OLA1: variants seen among roughly 807,000 people sequenced by gnomAD.
OLA1 encodes Obg like ATPase 1.
A neutral mutation model predicts 48.4 loss-of-function variants in OLA1; 14 were observed. The observed-to-expected ratio is 0.29, with a 90% CI of 0.19 to 0.45. The LOEUF (loss-of-function observed/expected upper bound fraction) is 0.45, where lower values mean the gene tolerates loss of function less well. Among genes scored for constraint, OLA1 ranks in the 20% least tolerant of loss-of-function variants. OLA1 has a pLI of 1.00. For missense variants in OLA1, 325 were observed against 467.1 expected (o/e 0.70, Z 2.80); for synonymous variants, 127 against 150.4 (o/e 0.84, Z 1.14).
At chr2:174,200,694 G>A (rs774603236) in intron 4 of OLA1, among the ~76,000 whole-genome samples, 71 of 152,062 alleles carry the variant, frequency 4.7e-4, no homozygotes, top group Non-Finnish European at 7.2e-4. Context: ...TCTACCTTTG[G>A]AGGAGCCTAA....
chr2:174,207,807 T>C (rs1688150771), intron 4 of OLA1, among the ~76,000 whole-genome samples: 1 of 152,144 alleles, frequency 6.6e-6, no homozygotes, highest in Non-Finnish European at 1.5e-5. Flanking sequence ...AAAACTTAAG[T>C]CTAACATTGC....
intron 5 of OLA1, among the ~76,000 whole-genome samples, chr2:174,134,856 A>AATTCTTCAAGACATGG (rs1686265929): frequency 6.6e-6 from 1 of 152,192 alleles, no homozygotes; most frequent in Non-Finnish European, 1.5e-5. Flanking sequence ...TATGTCTTGA[A>AATTCTTCAAGACATGG]GAATGCCTAA....
intron 7 of OLA1, among the ~76,000 whole-genome samples, chr2:174,119,956 AAC>A (rs10592077): frequency 0.44 from 65,920 of 149,222 alleles, 15,180 homozygotes; most frequent in East Asian, 0.93. Flanking sequence ...CACACACACA[AAC>A]ACACACACAC....
chr2:174,076,367 C>A (rs928247622), intron 10 of OLA1, among the ~76,000 whole-genome samples: 1 of 152,100 alleles, frequency 6.6e-6, no homozygotes, highest in Non-Finnish European at 1.5e-5. Flanking sequence ...CTGACATGGT[C>A]CCACATGACC....
intron 2 of OLA1, among the ~76,000 whole-genome samples, chr2:174,244,939 T>TA (rs1282543039): frequency 3.9e-5 from 6 of 152,154 alleles, no homozygotes; most frequent in Admixed American, 1.3e-4. Context: ...GCCAATTTTT[T>TA]AAAAAAATAT....
At chr2:174,247,210 C>T (rs1689144000) in intron 1 of OLA1, 1 of 164,076 alleles carries the variant, frequency 6.1e-6, no homozygotes, top group Non-Finnish European at 1.3e-5. Context: ...AAAAGAAAAA[C>T]AAATACAAAA....
intron 7 of OLA1, among the ~76,000 whole-genome samples, chr2:174,118,591 C>A (rs775228652): frequency 6.6e-6 from 1 of 152,046 alleles, no homozygotes; most frequent in Non-Finnish European, 1.5e-5. Flanking sequence ...ACTTATAAAC[C>A]TTTTAATCTG....
At chr2:174,161,823 C>T (rs1687020602) in intron 4 of OLA1, among the ~76,000 whole-genome samples, 1 of 152,036 alleles carries the variant, frequency 6.6e-6, no homozygotes, top group Non-Finnish European at 1.5e-5. Context: ...TAAGCTTACA[C>T]TGAAGTAAGA....
intron 5 of OLA1, among the ~76,000 whole-genome samples, chr2:174,141,519 A>G (rs888976422): frequency 2.0e-5 from 3 of 152,164 alleles, no homozygotes; most frequent in Non-Finnish European, 4.4e-5. Flanking sequence ...CATTTCACCA[A>G]ATCCAGTAAG....
chr2:174,195,836 G>A (rs981230278), intron 4 of OLA1, among the ~76,000 whole-genome samples: 1 of 152,070 alleles, frequency 6.6e-6, no homozygotes, highest in African/African-American at 2.4e-5. Flanking sequence ...CATTCTTAAA[G>A]CTTTTTACAA....
intron 7 of OLA1, among the ~76,000 whole-genome samples, chr2:174,090,250 A>AT (rs1267365129): frequency 6.6e-6 from 1 of 152,176 alleles, no homozygotes; most frequent in Non-Finnish European, 1.5e-5. Flanking sequence ...TGTTTTGAGG[A>AT]TTAACGCACT....
At chr2:174,167,490 C>T (rs1185785322) in intron 4 of OLA1, among the ~76,000 whole-genome samples, 5 of 152,170 alleles carry the variant, frequency 3.3e-5, no homozygotes, top group East Asian at 1.9e-4. Flanking sequence ...GAAGCAGAAT[C>T]GCTTGAACCT....
intron 4 of OLA1, among the ~76,000 whole-genome samples, chr2:174,210,503 G>A (rs1024186334): frequency 5.3e-5 from 8 of 152,072 alleles, no homozygotes; most frequent in African/African-American, 9.7e-5. Context: ...CAAAAGGAGT[G>A]CAAAACTGAT....
At chr2:174,206,700 G>A (rs940162545) in intron 4 of OLA1, among the ~76,000 whole-genome samples, 21 of 152,128 alleles carry the variant, frequency 1.4e-4, no homozygotes, top group African/African-American at 4.8e-4. Flanking sequence ...ATGCAAAGTA[G>A]AAGGAACTGC....
chr2:174,187,757 G>C (rs530785000), intron 4 of OLA1, among the ~76,000 whole-genome samples: 1 of 152,310 alleles, frequency 6.6e-6, no homozygotes, highest in South Asian at 2.1e-4. Flanking sequence ...TGAATAGCAT[G>C]CTAGTAGCAG....
At chr2:174,107,052 G>C (rs1362821734) in intron 7 of OLA1, among the ~76,000 whole-genome samples, 1 of 152,114 alleles carries the variant, frequency 6.6e-6, no homozygotes, top group Non-Finnish European at 1.5e-5. Flanking sequence ...TGATGATAAA[G>C]GGTCATTAGG....
chr2:174,134,994 T>C (rs868763145), intron 5 of OLA1, among the ~76,000 whole-genome samples: 8 of 151,848 alleles, frequency 5.3e-5, no homozygotes, highest in Admixed American at 2.0e-4. Flanking sequence ...ACCCCTACTC[T>C]ACTAAAAATA....
rs1689016247 is a variant in OLA1, at chr2:174,242,063, G to A, written c.101+4652C>T. The stretch of plus-strand genomic sequence containing the variant: ...GGGATGTTGGCAGAAGTATGGTATG[G>A]CAGTTTACAGGAAAAAGGCTGCTAG... On this transcript the variant is annotated intron_variant, in intron 2 of 10. Coordinates refer to ENST00000284719, the MANE Select transcript of OLA1 (RefSeq NM_013341.5). Among the ~76,000 whole-genome samples, 3 of 152,212 alleles carry A rather than the reference G, an allele frequency of 2.0e-5. No homozygotes were observed. In the South Asian group the frequency reaches 6.2e-4, roughly 31 times the overall value.
At chr2:174,161,656 CT>C (rs1687015211) in intron 4 of OLA1, among the ~76,000 whole-genome samples, 1 of 136,364 alleles carries the variant, frequency 7.3e-6, no homozygotes, top group Admixed American at 8.0e-5. Flanking sequence ...CAGACTAAGA[CT>C]TTGTCTCTTT....
Sources: allele counts gnomAD v4.1 joint callset (sites outside exome capture counted in the v4.1 genomes callset), GRCh38; gene constraint gnomAD v4.1.1; transcripts MANE v1.5; gene names NCBI Gene and HGNC (gene_info 2026-07-23, HGNC 2026-07-21).